The following ST3GAL1 variants were observed in gnomAD, a reference collection of about 807,000 sequenced individuals.
The protein encoded by ST3GAL1 is CMP-N-acetylneuraminate-beta-galactosamide-alpha-2,3-sialyltransferase 1.
ST3GAL1 carries 16 observed loss-of-function variants against 34.1 expected under a neutral mutation model. The observed-to-expected ratio is 0.47, with a 90% CI of 0.32 to 0.71. The LOEUF is 0.71. Among genes scored for constraint, ST3GAL1 ranks in the 30% least tolerant of loss-of-function variants. The probability of loss-of-function intolerance (pLI) is 0.04; values close to 1 mark genes in which losing one functional copy is unlikely to be tolerated. For missense variants in ST3GAL1, 353 were observed against 447.4 expected (o/e 0.79, Z 1.90); for synonymous variants, 191 against 184.7 (o/e 1.03, Z -0.28).
At chr8:133,505,922 A>G (rs1817321259) in intron 2 of ST3GAL1, among the ~76,000 whole-genome samples, 1 of 152,206 alleles carries the variant, frequency 6.6e-6, no homozygotes, top group Admixed American at 6.5e-5. Flanking sequence ...TTAAACTTAT[A>G]TTTTAAATTT....
intron 2 of ST3GAL1, among the ~76,000 whole-genome samples, chr8:133,544,689 A>G (rs1307272987): frequency 6.6e-6 from 1 of 152,124 alleles, no homozygotes; most frequent in Non-Finnish European, 1.5e-5. Context: ...ATCCATATCT[A>G]CTTGCATAAA....
intron 5 of ST3GAL1, among the ~76,000 whole-genome samples, chr8:133,473,621 CAT>C (rs777555696): frequency 4.6e-5 from 7 of 152,204 alleles, no homozygotes; most frequent in Non-Finnish European, 8.8e-5. Context: ...CCACCTCTGC[CAT>C]CAATGTGTCA....
At chr8:133,546,478 C>CAA (rs10553471) in intron 1 of ST3GAL1, among the ~76,000 whole-genome samples, 2 of 114,804 alleles carry the variant, frequency 1.7e-5, no homozygotes, top group South Asian at 2.8e-4. Flanking sequence ...GAGACTCCGT[C>CAA]AAAAAAAAAA....
chr8:133,566,096 C>T (rs1443273699), intron 1 of ST3GAL1, among the ~76,000 whole-genome samples: 1 of 152,202 alleles, frequency 6.6e-6, no homozygotes, highest in Non-Finnish European at 1.5e-5. Flanking sequence ...TGCTGCCCCC[C>T]ACCTCCCCTG....
chr8:133,460,056 C>T, intron 9 of ST3GAL1, 119 bp from the exon 10 acceptor site: 2 of 1,071,490 alleles, frequency 1.9e-6, no homozygotes, highest in Non-Finnish European at 2.6e-6. Flanking sequence ...TTTCCAAGGA[C>T]TCTGACTAAC....
chr8:133,461,923 T>C lies in ST3GAL1; in HGVS notation c.801A>G (p.Pro267=), dbSNP rs1815527167. 6.2e-7 allele frequency: 1 copy of C among 1,613,878 alleles called. No individual in the cohort carries two copies. The highest frequency in any genetic ancestry group is 8.5e-7 in the Non-Finnish European group (1 of 1,180,004). ...AGATGACCGAGAGGATGCCGGTAGA[T>C]GGGTATCGCCCGTGCCCTTGCAGCC... ...DNWLQGHGRY[P]STGILSVIFS... Residue 267 remains proline, a synonymous_variant, in exon 9 of 10, where the codon CCA becomes CCG. Transcript: ENST00000522652. This position sits in a 1 kb window ranked among gnomAD's most constrained non-coding sequence, Gnocchi z 4.7.
chr8:133,564,992 A>G (rs1338899526), intron 1 of ST3GAL1, among the ~76,000 whole-genome samples: 4 of 152,238 alleles, frequency 2.6e-5, no homozygotes, highest in Non-Finnish European at 5.9e-5. Context: ...CTGATAAGAC[A>G]CAATGGGTTA....
intron 2 of ST3GAL1, among the ~76,000 whole-genome samples, chr8:133,512,105 T>C (rs1045666385): frequency 6.6e-6 from 1 of 151,870 alleles, no homozygotes; most frequent in Admixed American, 6.6e-5. Flanking sequence ...CATCACAAGG[T>C]AAAGTCCCAT....
chr8:133,477,611 C>A (rs16904930), intron 3 of ST3GAL1, among the ~76,000 whole-genome samples: 1 of 151,648 alleles, frequency 6.6e-6, no homozygotes, highest in African/African-American at 2.4e-5. Flanking sequence ...CAGATTACTA[C>A]GGCTGGAGGG....
At chr8:133,496,151 A>G (rs1816940289) in intron 3 of ST3GAL1, among the ~76,000 whole-genome samples, 1 of 152,234 alleles carries the variant, frequency 6.6e-6, no homozygotes, top group South Asian at 2.1e-4. Flanking sequence ...CTTTCTTAAG[A>G]GAACCCTTCA....
rs1205430349 is a variant in ST3GAL1 at position 133,556,466 on chromosome 8, G to A, written c.-581-10540C>T. Among the ~76,000 whole-genome samples, 3 of 152,172 alleles carry A rather than the reference G, an allele frequency of 2.0e-5. No individual in the cohort carries two copies. Among genetic ancestry groups the A allele is most frequent in the Admixed American group, 6.5e-5 (1 of 15,268 alleles). The stretch of plus-strand genomic sequence containing the variant: ...GGCAGGCTGTACAGCTGTCCTCTGG[G>A]CCCAGCATATATTGTTCTGTCCGCT... On this transcript the variant is annotated intron_variant, in intron 1 of 9. Transcript: ENST00000522652. This position sits in a 1 kb window ranked among gnomAD's most constrained non-coding sequence, Gnocchi z 8.9.
intron 1 of ST3GAL1, among the ~76,000 whole-genome samples, chr8:133,565,792 G>C (rs910947984): frequency 1.3e-5 from 2 of 152,232 alleles, no homozygotes; most frequent in Admixed American, 6.5e-5. Flanking sequence ...GGTCAAAGAG[G>C]TTAAACAACG....
chr8:133,569,488 G>C (rs759358144), intron 1 of ST3GAL1, among the ~76,000 whole-genome samples: 12 of 152,212 alleles, frequency 7.9e-5, no homozygotes, highest in Non-Finnish European at 1.2e-4. Flanking sequence ...TCATTTTGCA[G>C]ATATAGAAAC....
At chr8:133,481,946 G>A (rs1213040868) in intron 3 of ST3GAL1, among the ~76,000 whole-genome samples, 2 of 151,922 alleles carry the variant, frequency 1.3e-5, no homozygotes, top group Non-Finnish European at 2.9e-5. Context: ...TAGGTTCTTG[G>A]TTCCTTGGGT....
intron 2 of ST3GAL1, among the ~76,000 whole-genome samples, chr8:133,505,403 T>A (rs1817300280): frequency 6.6e-6 from 1 of 152,138 alleles, no homozygotes; most frequent in Admixed American, 6.5e-5. Flanking sequence ...GGGGTACAAG[T>A]AGAAATGATG....
At chr8:133,541,470 C>T (rs1331145938) in intron 2 of ST3GAL1, among the ~76,000 whole-genome samples, 1 of 152,060 alleles carries the variant, frequency 6.6e-6, no homozygotes, top group Non-Finnish European at 1.5e-5. Flanking sequence ...CTGCATCCCC[C>T]ACAGAAACTC....
chr8:133,511,435 T>C (rs1817494511), intron 2 of ST3GAL1, among the ~76,000 whole-genome samples: 1 of 152,232 alleles, frequency 6.6e-6, no homozygotes. Context: ...TATGTAGATG[T>C]GCACTGTTTC....
At chr8:133,563,722 C>A (rs935149542) in intron 1 of ST3GAL1, among the ~76,000 whole-genome samples, 4 of 152,218 alleles carry the variant, frequency 2.6e-5, no homozygotes, top group Non-Finnish European at 5.9e-5. Flanking sequence ...TCAGACTGAA[C>A]CTTTGCTCAT....
intron 1 of ST3GAL1, among the ~76,000 whole-genome samples, chr8:133,558,602 C>T (rs1029435552): frequency 1.3e-5 from 2 of 152,176 alleles, no homozygotes; most frequent in African/African-American, 4.8e-5. Flanking sequence ...ACCATGCCCC[C>T]GTCCTCCCGC....
Sources: gnomAD v4.1 joint callset for allele counts (sites outside exome capture counted in the v4.1 genomes callset) on GRCh38, gnomAD v4.1.1 for gene constraint, Gnocchi (gnomAD v3.1) non-coding constraint, MANE v1.5 for transcripts, NCBI Gene and HGNC (gene_info 2026-07-23, HGNC 2026-07-21) for gene names.